PAM: variants seen among roughly 807,000 people sequenced by gnomAD.
PAM encodes peptidylglycine alpha-amidating monooxygenase, also known as peptidyl-glycine alpha-amidating monooxygenase.
PAM carries 72 observed loss-of-function variants against 122.1 expected under a neutral mutation model. That is an observed-to-expected ratio of 0.59 (90% CI 0.49 to 0.72). The LOEUF is 0.72. Among genes scored for constraint, PAM ranks in the 30% least tolerant of loss-of-function variants. PAM has a pLI of 0.00. For missense variants in PAM, 1,106 were observed against 1,183.7 expected, an observed-to-expected ratio of 0.93 and a Z score of 0.96; for synonymous variants, 389 against 404.4, an observed-to-expected ratio of 0.96 and a Z score of 0.46.
intron 1 of PAM, among the ~76,000 whole-genome samples, chr5:102,862,483 G>A (rs981415428): frequency 5.3e-5 from 8 of 152,048 alleles, no homozygotes; most frequent in Admixed American, 4.6e-4. Flanking sequence ...CAGTTTAATC[G>A]TAAGTCATTC....
chr5:102,834,064 C>T (rs1483194936), intron 1 of PAM, among the ~76,000 whole-genome samples: 2 of 151,978 alleles, frequency 1.3e-5, no homozygotes, highest in Admixed American at 6.5e-5. Flanking sequence ...GTTCTTTATC[C>T]TCCATTGATA....
rs150353069 is a variant in PAM at position 102,850,792 on chromosome 5, C to G, written c.-373-15031C>G. Among the ~76,000 whole-genome samples, 443 of 152,250 alleles carry G rather than the reference C, an allele frequency of 2.9e-3. 10 individuals are homozygous for G. Among genetic ancestry groups the G allele is most frequent in the Admixed American group, 0.028 (433 of 15,288 alleles). ...GGGGAACGGAGCCATGTCTTCTTTA[C>G]AGCTCATACAACGCCCTGCAAAAAA... On this transcript the variant is annotated intron_variant, in intron 1 of 25. Transcript: ENST00000438793.
chr5:102,956,524 T>C (rs766472625), intron 12 of PAM, among the ~76,000 whole-genome samples: 1 of 152,128 alleles, frequency 6.6e-6, no homozygotes, highest in Non-Finnish European at 1.5e-5. Flanking sequence ...TTACTGATTT[T>C]CCTTTATTTG....
chr5:102,975,533 T>C (rs944483393), intron 15 of PAM, among the ~76,000 whole-genome samples: 2 of 152,174 alleles, frequency 1.3e-5, no homozygotes, highest in Non-Finnish European at 2.9e-5. Flanking sequence ...AATAAAACTA[T>C]GTTTCTCATG....
intron 11 of PAM, among the ~76,000 whole-genome samples, chr5:102,950,416 G>GGGTATGTGTGTGTGTGTGTGTGTGTGTGT (rs372626572): frequency 2.1e-5 from 3 of 146,062 alleles, no homozygotes; most frequent in Admixed American, 6.8e-5. Context: ...TATGTGGGTG[G>GGGTATGTGTGTGTGTGTGTGTGTGTGTGT]GTGTGTGTGT....
intron 7 of PAM, among the ~76,000 whole-genome samples, chr5:102,936,769 A>G (rs937969538): frequency 7.2e-5 from 11 of 152,150 alleles, no homozygotes; most frequent in Non-Finnish European, 1.6e-4. Context: ...CACAGAGCCA[A>G]TGTATTACTA....
intron 16 of PAM, among the ~76,000 whole-genome samples, chr5:102,991,780 CATT>C (rs1396519260): frequency 1.3e-5 from 2 of 152,140 alleles, no homozygotes; most frequent in African/African-American, 4.8e-5. Context: ...TCGTCTTAGT[CATT>C]ATTGAACATC....
At chr5:102,777,848 G>A (rs892402535) in intron 1 of PAM, among the ~76,000 whole-genome samples, 31 of 152,048 alleles carry the variant, frequency 2.0e-4, no homozygotes, top group African/African-American at 7.0e-4. Context: ...CTGTTTTTAC[G>A]GATTATAAAA....
At chr5:102,989,829 T>TAGATAGATAGAC (rs1379705880) in intron 15 of PAM, 2 of 151,946 alleles carry the variant, frequency 1.3e-5, no homozygotes, top group African/African-American at 4.9e-5. Flanking sequence ...GATAGATAGA[T>TAGATAGATAGAC]AGATAGATGA....
chr5:102,848,667 G>A (rs182653399), intron 1 of PAM, among the ~76,000 whole-genome samples: 18 of 152,250 alleles, frequency 1.2e-4, no homozygotes, highest in Admixed American at 3.3e-4. Context: ...AAACAATGTA[G>A]GGAGGAACAG....
intron 7 of PAM, among the ~76,000 whole-genome samples, chr5:102,938,164 G>A (rs1024872639): frequency 6.6e-6 from 1 of 152,132 alleles, no homozygotes; most frequent in Admixed American, 6.6e-5. Flanking sequence ...TTATCCTTCA[G>A]TATTTTTTTC....
At chr5:102,982,675 C>T (rs1770307384) in intron 15 of PAM, among the ~76,000 whole-genome samples, 1 of 152,180 alleles carries the variant, frequency 6.6e-6, no homozygotes, top group Non-Finnish European at 1.5e-5. Flanking sequence ...AGAAGTAAAA[C>T]CAAACCACCC....
At chr5:102,906,344 C>G (rs954523349) in intron 4 of PAM, among the ~76,000 whole-genome samples, 3 of 151,638 alleles carry the variant, frequency 2.0e-5, no homozygotes, top group Non-Finnish European at 1.5e-5. Flanking sequence ...CTTAAAAGAT[C>G]ACTATGAGTT....
intron 5 of PAM, among the ~76,000 whole-genome samples, chr5:102,917,356 T>C (rs965377474): frequency 6.6e-6 from 1 of 152,212 alleles, no homozygotes; most frequent in Non-Finnish European, 1.5e-5. Flanking sequence ...ACTCATTTTA[T>C]AGTTGCAAAT....
At chr5:102,867,167 T>C (rs1785862726) in intron 2 of PAM, 106 bp from the exon 3 acceptor site, 5 of 722,700 alleles carry the variant, frequency 6.9e-6, no homozygotes, top group Non-Finnish European at 1.2e-5. Flanking sequence ...TTCATTGGGT[T>C]TAAATCAATC....
intron 1 of PAM, chr5:102,807,996 T>C (rs1256076450): frequency 6.6e-6 from 1 of 152,174 alleles, no homozygotes; most frequent in Non-Finnish European, 1.5e-5. Flanking sequence ...ACTTAGCAAA[T>C]CCAAGCCTGG....
chr5:102,926,093 CTT>C (rs546341167), intron 6 of PAM, among the ~76,000 whole-genome samples: 4 of 146,928 alleles, frequency 2.7e-5, no homozygotes, highest in Non-Finnish European at 1.5e-5. Context: ...TTATGTATGT[CTT>C]TTTTTTTTTT....
In PAM at chr5:102,961,202, C is replaced by A; in HGVS notation, c.1135C>A (p.Arg379=). ...DKIPLLQQPK[R]EEEEVLDQGD... is the part of the protein sequence containing the mutation. ...GATTCCTTTACTACAGCAGCCAAAA[C>A]GAGAAGAAGAAGAAGTGTTAGACCA... The change falls in exon 14 of 26, where the codon CGA becomes AGA. Residue 379 remains arginine, a synonymous_variant. Transcript: ENST00000438793. 6.3e-7 allele frequency: 1 copy of A among 1,577,568 alleles called. No individual in the cohort carries two copies. The highest frequency in any genetic ancestry group is 8.7e-7 in the Non-Finnish European group (1 of 1,147,686).
chr5:102,940,054 T>C (rs1382385543), intron 7 of PAM, among the ~76,000 whole-genome samples: 6 of 151,590 alleles, frequency 4.0e-5, no homozygotes, highest in South Asian at 2.1e-4. Context: ...CAACACATTG[T>C]TGCACAAAAT....
Sources: gnomAD v4.1 joint callset for allele counts (sites outside exome capture counted in the v4.1 genomes callset) on GRCh38, gnomAD v4.1.1 for gene constraint, MANE v1.5 for transcripts, NCBI Gene and HGNC (gene_info 2026-07-23, HGNC 2026-07-21) for gene names.